Variants in CPB2 observed in about 807,000 individuals in gnomAD.
CPB2 encodes the protein carboxypeptidase B-like protein.
Under a neutral mutation model 57.0 loss-of-function variants are expected in CPB2, and 54 were observed. The ratio of observed to expected loss-of-function variants is 0.95; its 90% CI spans 0.76 to 1.19. The LOEUF (loss-of-function observed/expected upper bound fraction) is 1.19, where lower values mean the gene tolerates loss of function less well. CPB2 is among the 50% of genes most tolerant of loss of function. CPB2 has a pLI of 0.00. For missense variants in CPB2, 426 were observed against 512.0 expected (o/e 0.83, Z 1.62); for synonymous variants, 189 against 178.1 (o/e 1.06, Z -0.49).
chr13:46,073,766 G>C (rs2044979595), intron 6 of CPB2, 107 bp downstream of exon 6: 4 of 652,572 alleles, frequency 6.1e-6, no homozygotes, highest in Non-Finnish European at 9.5e-6. Flanking sequence ...CAAGCTTCAT[G>C]ATGTGACCTA....
At chr13:46,085,112 A>T (rs2045182612) in intron 2 of CPB2, among the ~76,000 whole-genome samples, 1 of 152,038 alleles carries the variant, frequency 6.6e-6, no homozygotes, top group African/African-American at 2.4e-5. Flanking sequence ...GGCCCTCCAA[A>T]GTGCTGGGAT....
intron 10 of CPB2, 102 bp downstream of exon 10, chr13:46,055,660 A>T (rs1213754028): frequency 1.7e-6 from 1 of 590,312 alleles, no homozygotes; most frequent in Non-Finnish European, 3.0e-6. Context: ...ATTACATGTG[A>T]CCCTATTTAA....
chr13:46,084,463 C>T, intron 2 of CPB2, 120 bp from the exon 3 acceptor site: 1 of 1,024,736 alleles, frequency 9.8e-7, no homozygotes, highest in Non-Finnish European at 1.4e-6. Context: ...CTCCCTGGTG[C>T]TGGTCCCCAT....
chr13:46,071,516 A>G (rs2044942042), intron 6 of CPB2, among the ~76,000 whole-genome samples: 1 of 152,212 alleles, frequency 6.6e-6, no homozygotes, highest in South Asian at 2.1e-4. Flanking sequence ...AACTGTGAAG[A>G]TACATTGTTA....
Position 46,055,765 on chromosome 13 carries a change from AG to A in CPB2, c.1083del (p.Leu362TyrfsTer3), listed in dbSNP as rs1566394513. 3.8e-6 allele frequency: 6 copies of A among 1,559,590 alleles called. No homozygotes were observed. Among genetic ancestry groups the A allele is most frequent in the Non-Finnish European group, 5.3e-6 (6 of 1,137,888 alleles). ...TRYTHGHGSE[T>X]LYLAPGGGDD... ...GATCATAAGAAGAAATACTTACATA[AG>A]GTTTCTGAGCCATGGCCATGTGTAT... On this transcript the variant is annotated frameshift_variant, in exon 10 of 11. Coordinates refer to ENST00000181383, the MANE Select transcript of CPB2 (RefSeq NM_001872.5). LOFTEE classifies it high-confidence loss of function.
chr13:46,063,360 C>T (rs1473284164), intron 8 of CPB2, among the ~76,000 whole-genome samples: 1 of 152,140 alleles, frequency 6.6e-6, no homozygotes, highest in Non-Finnish European at 1.5e-5. Flanking sequence ...TGTCTATTCC[C>T]ATCTTTATGT....
chr13:46,057,654 CTG>C (rs2044715028), intron 9 of CPB2, among the ~76,000 whole-genome samples: 1 of 152,182 alleles, frequency 6.6e-6, no homozygotes, highest in African/African-American at 2.4e-5. Context: ...CCTGTATTGT[CTG>C]TTATGTTCCA....
intron 1 of CPB2, among the ~76,000 whole-genome samples, chr13:46,088,752 T>C (rs1365846888): frequency 1.3e-5 from 2 of 152,244 alleles, no homozygotes; most frequent in Non-Finnish European, 2.9e-5. Flanking sequence ...TTCTGACTTA[T>C]TAATGAAGTA....
At position 46,053,729 on chromosome 13, in the gene CPB2, A is replaced by G. The variant is rs1249731071; in HGVS notation, c.1157T>C (p.Leu386Pro). The change falls in exon 11 of 11, where the codon CTT becomes CCT. Residue 386 changes from leucine (L) to proline (P), a missense_variant. Physicochemically the swap from Leu to Pro is moderately conservative, Grantham distance 98. Transcript: ENST00000181383. ...GAATCCGTATGTGCCCGTATCTCGA[A>G]GTTCAATTGTAAACGAATATTTGAT... The part of the protein sequence containing the change: ...LGIKYSFTIE[L>P]RDTGTYGFLL... The G allele has an allele frequency of 6.2e-7, 1 of 1,614,098 alleles. No homozygotes were observed. The highest frequency in any genetic ancestry group is 8.5e-7 in the Non-Finnish European group (1 of 1,180,048).
Position 46,067,385 on chromosome 13 carries a change from A to G in CPB2, c.624T>C (p.Tyr208=). Residue 208 remains tyrosine (Y), a synonymous_variant, in exon 7 of 11, where the codon TAT becomes TAC. Coordinates refer to ENST00000181383, the MANE Select transcript of CPB2 (RefSeq NM_001872.5). ...AATCCACAAGCCTCAGGAGATTGGT[A>G]TATTGCCCTATTATCCCATAGAATT... ...ITQFYGIIGQ[Y]TNLLRLVDFY... 1.3e-6 allele frequency: 2 copies of G among 1,589,264 alleles called. No individual in the cohort carries two copies. Among genetic ancestry groups the G allele is most frequent in the Non-Finnish European group, 1.7e-6 (2 of 1,157,776 alleles).
chr13:46,067,153 C>A (rs1381633573), intron 7 of CPB2, among the ~76,000 whole-genome samples, 154 bp downstream of exon 7: 1 of 149,772 alleles, frequency 6.7e-6, no homozygotes, highest in African/African-American at 2.5e-5. Context: ...ATTATGTGCA[C>A]TTATATATAT....
At chr13:46,090,478 T>C (rs1053566778) in intron 1 of CPB2, among the ~76,000 whole-genome samples, 3 of 150,886 alleles carry the variant, frequency 2.0e-5, no homozygotes, top group South Asian at 4.2e-4. Flanking sequence ...TTCTCCTGAC[T>C]CGGCCTCCTG....
At chr13:46,093,851 A>G (rs1408944600) in intron 1 of CPB2, among the ~76,000 whole-genome samples, 1 of 152,192 alleles carries the variant, frequency 6.6e-6, no homozygotes, top group African/African-American at 2.4e-5. Flanking sequence ...CTAGTATACA[A>G]TTATACCCAG....
chr13:46,103,210 C>T (rs1272234254), intron 1 of CPB2, among the ~76,000 whole-genome samples: 1 of 152,234 alleles, frequency 6.6e-6, no homozygotes, highest in African/African-American at 2.4e-5. Flanking sequence ...TGGCGGTCTG[C>T]AGTGAGCCCA....
intron 8 of CPB2, among the ~76,000 whole-genome samples, chr13:46,061,672 G>T (rs1284995325): frequency 3.9e-5 from 6 of 152,112 alleles, no homozygotes; most frequent in Admixed American, 3.9e-4. Flanking sequence ...CCTCAACTGT[G>T]AGAAAATAAA....
At chr13:46,099,356 T>C (rs1175376251) in intron 1 of CPB2, 4 of 152,316 alleles carry the variant, frequency 2.6e-5, no homozygotes, top group East Asian at 1.9e-4. Context: ...TTGTGGCCCT[T>C]ACTTAAAAGT....
intron 6 of CPB2, among the ~76,000 whole-genome samples, chr13:46,072,488 T>C (rs886224883): frequency 1.3e-5 from 2 of 152,162 alleles, no homozygotes; most frequent in Non-Finnish European, 2.9e-5. Context: ...CAGGTTCACA[T>C]TGTTGGAGCA....
intron 4 of CPB2, among the ~76,000 whole-genome samples, chr13:46,080,245 T>A (rs1033183504): frequency 1.3e-5 from 2 of 152,206 alleles, no homozygotes; most frequent in African/African-American, 2.4e-5. Context: ...TCATTTAAGA[T>A]CTCCTGGTGT....
At chr13:46,055,712 A>C in intron 10 of CPB2, 50 bp downstream of exon 10, 1 of 1,106,656 alleles carries the variant, frequency 9.0e-7, no homozygotes, top group South Asian at 1.4e-5. Flanking sequence ...GATCACACAG[A>C]TTTCTTTAGT....
Sources: allele counts gnomAD v4.1 joint callset (sites outside exome capture counted in the v4.1 genomes callset), GRCh38; gene constraint gnomAD v4.1.1; transcripts MANE v1.5; gene names NCBI Gene and HGNC (gene_info 2026-07-23, HGNC 2026-07-21).